Variants in PLRG1 observed in about 807,000 individuals in gnomAD.
The protein encoded by PLRG1 is pleiotropic regulator 1 (PRL1 homolog, Arabidopsis).
PLRG1 carries 28 observed loss-of-function variants against 74.9 expected under a neutral mutation model. That is an observed-to-expected ratio of 0.37 (90% CI 0.28 to 0.51). PLRG1 has a LOEUF of 0.51. Among genes scored for constraint, PLRG1 ranks in the 20% least tolerant of loss-of-function variants. The pLI, the probability that PLRG1 is intolerant of heterozygous loss-of-function variation, is 0.91. For synonymous variants in PLRG1, 197 were observed against 212.4 expected (o/e 0.93, Z 0.63); for missense variants, 445 against 631.9 (o/e 0.70, Z 3.17).
intron 1 of PLRG1, chr4:154,549,660 T>C (rs1305610498): frequency 2.2e-6 from 1 of 456,220 alleles, no homozygotes; most frequent in Admixed American, 2.3e-5. Context: ...TATGAACAAC[T>C]TACGTTTTAA....
intron 12 of PLRG1, chr4:154,538,891 T>C (rs1729504781): frequency 4.1e-6 from 2 of 482,650 alleles, no homozygotes; most frequent in Non-Finnish European, 7.4e-6. Context: ...CATTATTTAT[T>C]TGTTATCAAG....
chr4:154,546,224 G>C lies in PLRG1; in HGVS notation c.314-11C>G. 1 of 1,480,334 alleles carries C rather than the reference G, an allele frequency of 6.8e-7. No homozygotes were observed. Among genetic ancestry groups the C allele is most frequent in the Non-Finnish European group, 9.4e-7 (1 of 1,062,332 alleles). The allele number at this position is 1,480,334 out of a possible 1,614,324, so 91.7% of individuals were successfully genotyped here. A position where few individuals can be genotyped will look rare whatever the true frequency, so the allele number is the denominator to read the frequency against. Reference sequence around the variant, plus strand: ...CTGTCAAAGCAACCCCTATTAAAATGAAAAATCAACTTCTTTTAGTAGCTG... The same window carrying C: ...CTGTCAAAGCAACCCCTATTAAAATCAAAAATCAACTTCTTTTAGTAGCTG... On this transcript the variant is annotated splice_polypyrimidine_tract_variant and intron_variant, in intron 4 of 14. Transcript: ENST00000499023.
chr4:154,537,521 A>C, intron 13 of PLRG1, 42 bp from the exon 14 acceptor site: 1 of 1,404,838 alleles, frequency 7.1e-7, no homozygotes, highest in Non-Finnish European at 1.0e-6. Flanking sequence ...TCCCCTCAGC[A>C]GTACAGCTTG....
chr4:154,537,158 G>C, intron 14 of PLRG1, 128 bp downstream of exon 14: 1 of 570,168 alleles, frequency 1.8e-6, no homozygotes, highest in Non-Finnish European at 3.0e-6. Flanking sequence ...TATATAAATG[G>C]ACACTATTCA....
chr4:154,545,662 A>T (rs62330416), intron 6 of PLRG1, among the ~76,000 whole-genome samples, 174 bp downstream of exon 6: 7,524 of 152,316 alleles, frequency 0.049, 241 homozygotes, highest in Non-Finnish European at 0.077. Context: ...GTAGACAAAT[A>T]ACAGAATTAA....
In PLRG1 at chr4:154,545,210, G is replaced by A. The variant is rs550883853; in HGVS notation, c.492+626C>T. 2.0e-5 allele frequency among the ~76,000 whole-genome samples: 3 copies of A among 152,258 alleles called. No homozygotes were observed. The South Asian group carries it at 6.2e-4, about 32-fold the overall frequency. ...ACGTGCTCTGAATGGAATAAAGGAGGAAAGGAGATGTGGCAGTTACACATT... is the reference window on the plus strand; with the variant it reads ...ACGTGCTCTGAATGGAATAAAGGAGAAAAGGAGATGTGGCAGTTACACATT... On this transcript the variant is annotated intron_variant, in intron 6 of 14. Coordinates refer to ENST00000499023, the MANE Select transcript of PLRG1 (RefSeq NM_002669.4).
rs368289009 is a variant in PLRG1 at position 154,546,163 on chromosome 4, C to T, written c.364G>A (p.Ala122Thr). The T allele has an allele frequency of 1.9e-6, 3 of 1,609,580 alleles. No individual in the cohort carries two copies. The highest frequency in any genetic ancestry group is 2.2e-5 in the East Asian group (1 of 44,842). The stretch of plus-strand genomic sequence containing the variant: ...AATGCCACCGCTAAGGACTGTGCAG[C>T]TGATTCACTTGGCATTCTCTGGATC... ...TKIQRMPSES[A>T]AQSLAVALPL... The change falls in exon 5 of 15, where the codon GCT becomes ACT. Residue 122 changes from alanine (A) to threonine (T), a missense_variant. Around this residue, in one of 3 missense-constraint regions of PLRG1, gnomAD observed 206 missense variants for 210.8 expected, o/e 0.98. Coordinates refer to ENST00000499023, the MANE Select transcript of PLRG1 (RefSeq NM_002669.4).
chr4:154,550,013 AAC>A (rs1729730257), intron 1 of PLRG1, among the ~76,000 whole-genome samples: 1 of 152,200 alleles, frequency 6.6e-6, no homozygotes, highest in Admixed American at 6.5e-5. Context: ...GTCGATCACC[AAC>A]AGAGGCCCCG....
Position 154,540,057 on chromosome 4 carries a change from TA to T in PLRG1, c.940-5del. The T allele has an allele frequency of 7.0e-7, 1 of 1,419,110 alleles. No homozygotes were observed. The highest frequency in any genetic ancestry group is 1.0e-6 in the Non-Finnish European group (1 of 1,002,282). 87.9% of individuals were successfully genotyped at this position (1,419,110 alleles called of 1,614,324 possible). On this transcript the variant is annotated splice_region_variant and splice_polypyrimidine_tract_variant and intron_variant, in intron 10 of 14. Coordinates refer to ENST00000499023, the MANE Select transcript of PLRG1 (RefSeq NM_002669.4). ...CTTTAGTTCTCACATCCCAAATCTA[TA>T]AAAACACAATAGACATATTAGGAAA...
intron 1 of PLRG1, 164 bp from the exon 2 acceptor site, chr4:154,549,099 A>G (rs1729712520): frequency 1.6e-6 from 1 of 614,818 alleles, no homozygotes; most frequent in South Asian, 1.5e-5. Flanking sequence ...AGAGAAGAGG[A>G]GGAAGCTCCT....
In PLRG1 at chr4:154,536,628, G is replaced by C; in HGVS notation, c.*57C>G. ...GACTGGATATCCTCATGAACGCCAAGCTTTTTTTTTTTTAATTAAAAAGAA... is the reference window on the plus strand; with the variant it reads ...GACTGGATATCCTCATGAACGCCAACCTTTTTTTTTTTTAATTAAAAAGAA... On this transcript the variant is annotated 3_prime_UTR_variant, in exon 15 of 15. Coordinates refer to ENST00000499023, the MANE Select transcript of PLRG1 (RefSeq NM_002669.4). The C allele has an allele frequency of 1.1e-6, 1 of 905,348 alleles. No individual in the cohort carries two copies. Among genetic ancestry groups the C allele is most frequent in the South Asian group, 1.5e-5 (1 of 66,988 alleles). 56.1% of individuals were successfully genotyped at this position (905,348 alleles called of 1,614,324 possible).
chr4:154,545,587 T>C (rs1209560081), intron 6 of PLRG1, among the ~76,000 whole-genome samples: 1 of 152,140 alleles, frequency 6.6e-6, no homozygotes, highest in Non-Finnish European at 1.5e-5. Flanking sequence ...GCATTTTTAA[T>C]AGTGGGCAAT....
At position 154,536,446 on chromosome 4, in the gene PLRG1, G is replaced by C; in HGVS notation, c.*239C>G. ...TAGAATAGTTATGTTCAATAAACCT[G>C]CATTTACTTGATATCTGCATCTTCC... On this transcript the variant is annotated 3_prime_UTR_variant, in exon 15 of 15. Transcript: ENST00000499023. The C allele has an allele frequency of 2.4e-6, 1 of 415,344 alleles. No homozygotes were observed. The highest frequency in any genetic ancestry group is 4.2e-6 in the Non-Finnish European group (1 of 236,590). The allele number at this position is 415,344 out of a possible 1,614,324, so 25.7% of individuals were successfully genotyped here. A position where few individuals can be genotyped will look rare whatever the true frequency, so the allele number is the denominator to read the frequency against.
intron 11 of PLRG1, 21 bp downstream of exon 11, chr4:154,539,930 C>T (rs1729524899): frequency 1.8e-6 from 2 of 1,133,514 alleles, no homozygotes; most frequent in Non-Finnish European, 2.7e-6. Flanking sequence ...ATTCTGTAAA[C>T]TTGAAAAGTA....
At chr4:154,550,241 A>G in intron 1 of PLRG1, 59 bp downstream of exon 1, 1 of 1,469,382 alleles carries the variant, frequency 6.8e-7, no homozygotes. Context: ...CCCCACGCGC[A>G]CTGCCAAAAA....
chr4:154,549,586 A>G (rs1438635772), intron 1 of PLRG1: 3 of 431,584 alleles, frequency 7.0e-6, no homozygotes, highest in South Asian at 3.4e-5. Context: ...CTTTTAGACT[A>G]TTACAACAGC....
chr4:154,541,354 T>C lies in PLRG1; in HGVS notation c.688-420A>G, dbSNP rs551594276. Among the ~76,000 whole-genome samples, 16 of 152,288 alleles carry C rather than the reference T, an allele frequency of 1.1e-4. No homozygotes were observed. In the East Asian group the frequency reaches 1.5e-3, roughly 15 times the overall value. On this transcript the variant is annotated intron_variant, in intron 8 of 14. Transcript: ENST00000499023. Reference sequence around the variant, plus strand: ...CATTTTTGCTTACCATATTAGATATTTGTAAAGGAATGTACAACCAATGTG... The same window carrying C: ...CATTTTTGCTTACCATATTAGATATCTGTAAAGGAATGTACAACCAATGTG...
chr4:154,547,416 G>A (rs1729678067), intron 3 of PLRG1: 1 of 506,974 alleles, frequency 2.0e-6, no homozygotes, highest in Middle Eastern at 5.3e-4. Context: ...CAAGATAGAT[G>A]GTGTCCTCAC....
At chr4:154,546,990 A>C (rs964554783) in intron 4 of PLRG1, 21 bp downstream of exon 4, 2 of 1,533,876 alleles carry the variant, frequency 1.3e-6, no homozygotes, top group Non-Finnish European at 1.8e-6. Flanking sequence ...AGACATTTTC[A>C]ATATATAACA....
Sources: gnomAD v4.1 joint callset for allele counts (sites outside exome capture counted in the v4.1 genomes callset) on GRCh38, gnomAD v4.1.1 for gene constraint, gnomAD v4.1.1 regional missense constraint, MANE v1.5 for transcripts, NCBI Gene and HGNC (gene_info 2026-07-23, HGNC 2026-07-21) for gene names.